RIF1: variants seen among roughly 807,000 people sequenced by gnomAD.
RIF1 encodes the protein replication timing regulatory factor 1.
A neutral mutation model predicts 247.1 loss-of-function variants in RIF1; 45 were observed. That is an observed-to-expected ratio of 0.18 (90% CI 0.14 to 0.23). The LOEUF is 0.23. Ranked by LOEUF, RIF1 falls within the 10% of genes least tolerant of loss-of-function variation. The pLI is 1.00. For missense variants in RIF1, 2,967 were observed against 2,862.5 expected (o/e 1.04, Z -0.83); for synonymous variants, 1,087 against 978.8 (o/e 1.11, Z -2.06).
At chr2:151,446,788 A>G (rs1693345557) in intron 20 of RIF1, among the ~76,000 whole-genome samples, 1 of 152,084 alleles carries the variant, frequency 6.6e-6, no homozygotes. Context: ...ATCTTTTACT[A>G]TACTGTGTTA....
At position 151,463,387 on chromosome 2, in the gene RIF1, G is replaced by A; in HGVS notation, c.3867G>A (p.Arg1289=). ...KIVNGTKRSS[R]RAGKAEQTGN... ...TGAATGGAACTAAGAGATCAAGCCG[G>A]AGAGCTGGTAAAGCTGAACAAACAG... Residue 1289 remains arginine, a synonymous_variant, in exon 30 of 36, where the codon CGG becomes CGA. Coordinates refer to ENST00000444746, the MANE Select transcript of RIF1 (RefSeq NM_018151.5). The A allele has an allele frequency of 6.2e-7, 1 of 1,614,032 alleles. No homozygotes were observed. Among genetic ancestry groups the A allele is most frequent in the African/African-American group, 1.3e-5 (1 of 75,048 alleles).
chr2:151,534,116 G>A, the RIF1 span: 4 of 886,394 alleles, frequency 4.5e-6, no homozygotes, highest in African/African-American at 6.7e-5. Context: ...CAATATCATA[G>A]GCAGAACCTA....
Position 151,464,565 on chromosome 2 carries a change from G to T in RIF1, c.5045G>T (p.Arg1682Ile). 6.2e-6 allele frequency: 10 copies of T among 1,613,030 alleles called. No homozygotes were observed. Among genetic ancestry groups the T allele is most frequent in the Non-Finnish European group, 7.6e-6 (9 of 1,179,414 alleles). Residue 1682 changes from arginine to isoleucine, a missense_variant, in exon 30 of 36, where the codon AGA becomes ATA. Transcript: ENST00000444746. ...SNLRTRNAIK[R>I]LHKRDSFDNC... The stretch of plus-strand genomic sequence containing the variant: ...CTAAGGACTAGAAATGCCATTAAGA[G>T]ATTACATAAGCGAGACTCTTTTGAT...
intron 12 of RIF1, chr2:151,503,447 GA>G: frequency 6.3e-7 from 1 of 1,578,592 alleles, no homozygotes; most frequent in Non-Finnish European, 8.7e-7. Context: ...ATAACCTGTA[GA>G]AAATAATTAG....
rs143064472 is a variant in RIF1 at position 151,468,054 on chromosome 2, A to G, written c.6655A>G (p.Ile2219Val). The change falls in exon 31 of 36, where the codon ATT (isoleucine) becomes GTT (valine). Residue 2219 changes from isoleucine to valine, a missense_variant. Physicochemically the swap from Ile to Val is conservative, Grantham distance 29. This residue lies in a region of RIF1 where 2,028 missense variants were observed against 1,825.6 expected (regional missense o/e 1.11). Transcript: ENST00000444746. ...PIYQAGLADD[I>V]DRRCSIVRSH... Reference sequence around the variant, plus strand: ...ATACCAAGCAGGATTGGCAGATGACATTGATAGACGGTGCTCTATTGTTAG... The same window carrying G: ...ATACCAAGCAGGATTGGCAGATGACGTTGATAGACGGTGCTCTATTGTTAG... 1.2e-4 allele frequency: 192 copies of G among 1,613,744 alleles called. No individual in the cohort carries two copies. The highest frequency in any genetic ancestry group is 2.7e-4 in the Admixed American group (16 of 59,966).
chr2:151,482,831 T>C (rs76010733), downstream of RIF1, among the ~76,000 whole-genome samples: 99 of 152,308 alleles, frequency 6.5e-4, no homozygotes, highest in East Asian at 0.018. Flanking sequence ...GCAGGGTTTG[T>C]TCCTTCTAAG....
intron 15 of RIF1, among the ~76,000 whole-genome samples, chr2:151,441,447 A>G (rs1692278842): frequency 6.6e-6 from 1 of 152,222 alleles, no homozygotes; most frequent in South Asian, 2.1e-4. Context: ...ACATTCATAT[A>G]GCAGTATTTT....
At chr2:151,513,413 A>G in the RIF1 span, among the ~76,000 whole-genome samples, 965 of 152,300 alleles carry the variant, frequency 6.3e-3, 10 homozygotes, top group African/African-American at 0.022. Flanking sequence ...GAGCCTGGCA[A>G]AGGGTCCTCC....
At chr2:151,513,458 G>A in the RIF1 span, 1 of 710,082 alleles carries the variant, frequency 1.4e-6, no homozygotes, top group East Asian at 2.7e-5. Context: ...CCAGGCAGAT[G>A]TTCAAGAATG....
At chr2:151,525,204 C>G in the RIF1 span, 2 of 1,614,008 alleles carry the variant, frequency 1.2e-6, no homozygotes, top group East Asian at 2.2e-5. Flanking sequence ...TGTTTCACCT[C>G]TGGTGGCTCC....
rs776416738 is a variant in RIF1, at chr2:151,443,310, T to C, written c.1786T>C (p.Cys596Arg). ...ATTAATTTTCAACAATTTCTTGGAA[T>C]GTGGTGTATCAGATGAAAGGTAAGT... ...IQLIFNNFLE[C>R]GVSDERFFLS... Residue 596 changes from cysteine to arginine, a missense_variant, in exon 17 of 36, where the codon TGT (cysteine) becomes CGT (arginine). This residue lies in a region of RIF1 where 369 missense variants were observed against 322.0 expected (regional missense o/e 1.15). Coordinates refer to ENST00000444746, the MANE Select transcript of RIF1 (RefSeq NM_018151.5). 3 of 1,599,194 alleles carry C rather than the reference T, an allele frequency of 1.9e-6. No homozygotes were observed. In the Admixed American group the frequency reaches 5.0e-5, roughly 27 times the overall value.
chr2:151,446,965 A>G, intron 20 of RIF1, among the ~76,000 whole-genome samples: 1 of 124,010 alleles, frequency 8.1e-6, no homozygotes, highest in Non-Finnish European at 1.7e-5. Flanking sequence ...TTTTTTTGAG[A>G]CGGAGTCTCG....
the RIF1 span, among the ~76,000 whole-genome samples, chr2:151,522,356 A>G: frequency 6.6e-6 from 1 of 152,204 alleles, no homozygotes; most frequent in African/African-American, 2.4e-5. Context: ...TCAGTATATT[A>G]AAAATCAAAA....
At chr2:151,498,056 T>A (rs891367653) in intron 10 of RIF1, 1 of 1,452,390 alleles carries the variant, frequency 6.9e-7, no homozygotes, top group East Asian at 2.5e-5. Flanking sequence ...TCATTATTTT[T>A]AAAACATGTT....
intron 3 of RIF1, among the ~76,000 whole-genome samples, chr2:151,413,767 G>A (rs1385148833): frequency 6.6e-6 from 1 of 152,162 alleles, no homozygotes; most frequent in African/African-American, 2.4e-5. Flanking sequence ...AGAAGACACT[G>A]CAGGGAAGTA....
At chr2:151,498,988 C>A (rs943637563) in intron 10 of RIF1, among the ~76,000 whole-genome samples, 1 of 151,808 alleles carries the variant, frequency 6.6e-6, no homozygotes, top group Non-Finnish European at 1.5e-5. Flanking sequence ...TTGCAAAATA[C>A]ATTTGTTTAA....
intron 10 of RIF1, among the ~76,000 whole-genome samples, chr2:151,433,910 G>A (rs1200671287): frequency 6.6e-6 from 1 of 151,928 alleles, no homozygotes; most frequent in East Asian, 1.9e-4. Context: ...GGTGACTCAT[G>A]CCTGTAGTCC....
At position 151,464,500 on chromosome 2, in the gene RIF1, A is replaced by G. The variant is rs1696628048; in HGVS notation, c.4980A>G (p.Ala1660=). The G allele has an allele frequency of 6.2e-7, 1 of 1,612,114 alleles. No homozygotes were observed. Among genetic ancestry groups the G allele is most frequent in the Non-Finnish European group, 8.5e-7 (1 of 1,179,506 alleles). ...AAAAAAATGAAACTAGCAAATATGC[A>G]GAATATTCCTTTACAAGTCTACCTG... ...CEEKNETSKY[A]EYSFTSLPVP... Residue 1660 remains alanine, a synonymous_variant, in exon 30 of 36, where the codon GCA becomes GCG. Transcript: ENST00000444746.
the RIF1 span, among the ~76,000 whole-genome samples, chr2:151,523,251 T>C: frequency 1.3e-5 from 2 of 152,300 alleles, no homozygotes; most frequent in South Asian, 4.1e-4. Flanking sequence ...TAATAAAATA[T>C]GTTACATAGG....
Sources: allele counts gnomAD v4.1 joint callset (sites outside exome capture counted in the v4.1 genomes callset), GRCh38; gene constraint gnomAD v4.1.1; regional missense constraint gnomAD v4.1.1; transcripts MANE v1.5; gene names NCBI Gene and HGNC (gene_info 2026-07-23, HGNC 2026-07-21).